Variants in POLR1E observed in about 807,000 individuals in gnomAD.
POLR1E encodes RNA polymerase I subunit E.
POLR1E carries 37 observed loss-of-function variants against 50.9 expected under a neutral mutation model. That is an observed-to-expected ratio of 0.73 (90% CI 0.56 to 0.96). The LOEUF is 0.96. POLR1E is among the 40% of genes least tolerant of loss of function. The probability of loss-of-function intolerance (pLI) is 0.00; values close to 1 mark genes in which losing one functional copy is unlikely to be tolerated. For synonymous variants in POLR1E, 166 were observed against 191.6 expected (o/e 0.87, Z 1.10); for missense variants, 426 against 518.1 (o/e 0.82, Z 1.73).
chr9:37,490,489 G>A, intron 4 of POLR1E: 1 of 877,722 alleles, frequency 1.1e-6, no homozygotes. Flanking sequence ...CTCACCAAGT[G>A]TGCTTCTCTG....
chr9:37,494,443 TATTG>T (rs1294364192), intron 6 of POLR1E, among the ~76,000 whole-genome samples: 1 of 152,174 alleles, frequency 6.6e-6, no homozygotes, highest in Non-Finnish European at 1.5e-5. Context: ...CAAATTTATT[TATTG>T]ATTGATTGGA....
At chr9:37,502,117 A>G (rs1820902202) in intron 11 of POLR1E, among the ~76,000 whole-genome samples, 1 of 152,236 alleles carries the variant, frequency 6.6e-6, no homozygotes, top group Non-Finnish European at 1.5e-5. Flanking sequence ...AGTACGTAAC[A>G]TTCTCAAGGT....
At chr9:37,500,993 G>C in intron 10 of POLR1E, 72 bp downstream of exon 10, 1 of 1,377,266 alleles carries the variant, frequency 7.3e-7, no homozygotes, top group Non-Finnish European at 1.0e-6. Context: ...AGGAGCAGGG[G>C]CTTGGACTCA....
chr9:37,486,968 C>G (rs1009255785), intron 2 of POLR1E, among the ~76,000 whole-genome samples, 162 bp downstream of exon 2: 1 of 152,110 alleles, frequency 6.6e-6, no homozygotes, highest in African/African-American at 2.4e-5. Flanking sequence ...GGACAGGCTC[C>G]ATCTTTCATT....
At chr9:37,501,239 C>G (rs1017504392) in intron 10 of POLR1E, among the ~76,000 whole-genome samples, 83 of 152,356 alleles carry the variant, frequency 5.4e-4, no homozygotes, top group African/African-American at 1.8e-3. Flanking sequence ...TGCGGAAAGG[C>G]AGCATTGCAG....
In POLR1E at chr9:37,498,225, G is replaced by A. The variant is rs765408606; in HGVS notation, c.886+1G>A. 6.2e-7 allele frequency: 1 copy of A among 1,610,868 alleles called. No individual in the cohort carries two copies. Among genetic ancestry groups the A allele is most frequent in the Non-Finnish European group, 8.5e-7 (1 of 1,178,264 alleles). On this transcript the variant is annotated splice_donor_variant, in intron 9 of 11. Coordinates refer to ENST00000377798, the MANE Select transcript of POLR1E (RefSeq NM_022490.4). LOFTEE classifies it high-confidence loss of function. The stretch of plus-strand genomic sequence containing the variant: ...GCTCATAGGGTAGTTAAGCGGAAAA[G>A]TAAGTCTATGATAAACATTTTATTC...
At chr9:37,490,793 T>C (rs1039367312) in intron 4 of POLR1E, 4 of 613,256 alleles carry the variant, frequency 6.5e-6, no homozygotes, top group South Asian at 2.8e-5. Flanking sequence ...ACCTTTCTTA[T>C]AGATTCACAT....
rs201251056 is a variant in POLR1E, at chr9:37,487,860, T to C, written c.181-3T>C. ...AATGGAGTTTCCCCTCTCTGCATTTTAGGCAGCTGAAACAGATAGGCTCTC... is the reference window on the plus strand; with the variant it reads ...AATGGAGTTTCCCCTCTCTGCATTTCAGGCAGCTGAAACAGATAGGCTCTC... On this transcript the variant is annotated splice_region_variant and splice_polypyrimidine_tract_variant and intron_variant, in intron 2 of 11. Transcript: ENST00000377798. 4 of 1,614,138 alleles carry C rather than the reference T, an allele frequency of 2.5e-6. No homozygotes were observed. The highest frequency in any genetic ancestry group is 3.4e-6 in the Non-Finnish European group (4 of 1,179,962).
intron 3 of POLR1E, among the ~76,000 whole-genome samples, chr9:37,489,025 G>A (rs1820628766): frequency 6.6e-6 from 1 of 152,064 alleles, no homozygotes; most frequent in Non-Finnish European, 1.5e-5. Flanking sequence ...GATCACCTGA[G>A]GTCAGGAGTT....
intron 5 of POLR1E, 22 bp downstream of exon 5, chr9:37,492,737 T>C: frequency 6.2e-7 from 1 of 1,610,632 alleles, no homozygotes; most frequent in Non-Finnish European, 8.5e-7. Flanking sequence ...AGAATTAAGA[T>C]GTGGGACCTT....
intron 6 of POLR1E, 48 bp downstream of exon 6, chr9:37,493,751 T>G (rs888946438): frequency 2.1e-6 from 3 of 1,413,896 alleles, no homozygotes; most frequent in Non-Finnish European, 2.8e-6. Flanking sequence ...ATGACAGCTT[T>G]CTCTTCTCTT....
rs1820927908 is a variant in POLR1E at position 37,503,321 on chromosome 9, A to T, written c.*119A>T. 9 of 1,274,252 alleles carry T rather than the reference A, an allele frequency of 7.1e-6. No individual in the cohort carries two copies. The highest frequency in any genetic ancestry group is 8.4e-6 in the Non-Finnish European group (8 of 954,310). 78.9% of individuals were successfully genotyped at this position (1,274,252 alleles called of 1,614,324 possible). A position where few individuals can be genotyped will look rare whatever the true frequency, so the allele number is the denominator to read the frequency against. On this transcript the variant is annotated 3_prime_UTR_variant, in exon 12 of 12. Transcript: ENST00000377798. ...GTCCGGGGATGGTGGCTCACACCTGAAATCCCAGCACTTTGGGAGGCCGAG... is the reference window on the plus strand; with the variant it reads ...GTCCGGGGATGGTGGCTCACACCTGTAATCCCAGCACTTTGGGAGGCCGAG...
chr9:37,492,207 C>A, intron 4 of POLR1E: 21 of 1,255,546 alleles, frequency 1.7e-5, no homozygotes, highest in Non-Finnish European at 2.2e-5. Flanking sequence ...TTATACTGCC[C>A]TTATTTGAGT....
chr9:37,502,814 A>G (rs1820913006), intron 11 of POLR1E, among the ~76,000 whole-genome samples: 1 of 152,148 alleles, frequency 6.6e-6, no homozygotes, highest in South Asian at 2.1e-4. Flanking sequence ...GTTTTTCATC[A>G]CCCATATGGA....
chr9:37,503,413 C>A lies in POLR1E; in HGVS notation c.*211C>A. On this transcript the variant is annotated 3_prime_UTR_variant, in exon 12 of 12. Coordinates refer to ENST00000377798, the MANE Select transcript of POLR1E (RefSeq NM_022490.4). Reference sequence around the variant, plus strand: ...ACAACATAGGGAGACCCCATCTCTACCGGAGGAAAAAAAAAAGAGTCAGGC... The same window carrying A: ...ACAACATAGGGAGACCCCATCTCTAACGGAGGAAAAAAAAAAGAGTCAGGC... The A allele has an allele frequency of 2.3e-6, 1 of 436,466 alleles. No homozygotes were observed. The highest frequency in any genetic ancestry group is 4.0e-5 in the East Asian group (1 of 24,892). 27.0% of individuals were successfully genotyped at this position (436,466 alleles called of 1,614,324 possible).
intron 2 of POLR1E, among the ~76,000 whole-genome samples, chr9:37,487,166 T>TA (rs1820592292): frequency 6.6e-6 from 1 of 152,208 alleles, no homozygotes; most frequent in Non-Finnish European, 1.5e-5. Context: ...GCATCCCTAG[T>TA]CTCTACTCAT....
At chr9:37,488,642 G>A (rs907571369) in intron 3 of POLR1E, among the ~76,000 whole-genome samples, 5 of 152,112 alleles carry the variant, frequency 3.3e-5, no homozygotes, top group Non-Finnish European at 7.4e-5. Context: ...CCGTTTACTT[G>A]ATTTTGCCTC....
chr9:37,495,144 C>T (rs1337954821), intron 6 of POLR1E, 25 bp from the exon 7 acceptor site: 17 of 1,570,136 alleles, frequency 1.1e-5, no homozygotes, highest in Non-Finnish European at 1.5e-5. Flanking sequence ...CAGGGTGATA[C>T]ATGGATTGTT....
intron 9 of POLR1E, among the ~76,000 whole-genome samples, chr9:37,500,058 T>A (rs1588807056): frequency 6.6e-6 from 1 of 150,906 alleles, no homozygotes; most frequent in African/African-American, 2.4e-5. Flanking sequence ...ACCATGTTGG[T>A]CAGGCTGGTC....
Sources: allele counts gnomAD v4.1 joint callset (sites outside exome capture counted in the v4.1 genomes callset), GRCh38; gene constraint gnomAD v4.1.1; transcripts MANE v1.5; gene names NCBI Gene and HGNC (gene_info 2026-07-23, HGNC 2026-07-21).